Variants in MARK4 observed in about 807,000 individuals in gnomAD.
MARK4 encodes the protein MAP/microtubule affinity-regulating kinase 4.
In MARK4, 19 loss-of-function variants were observed where a neutral mutation model predicts 81.5. The observed-to-expected ratio is 0.23, with a 90% CI of 0.16 to 0.34. MARK4 has a LOEUF of 0.34. Ranked by LOEUF, MARK4 falls within the 10% of genes least tolerant of loss-of-function variation. MARK4 has a pLI of 1.00. For missense variants in MARK4, 772 were observed against 1,058.8 expected (o/e 0.73, Z 3.76); for synonymous variants, 436 against 439.0 (o/e 0.99, Z 0.08).
intron 7 of MARK4, among the ~76,000 whole-genome samples, chr19:45,268,083 A>G (rs995756089): frequency 3.3e-5 from 5 of 152,056 alleles, no homozygotes; most frequent in Admixed American, 1.3e-4. Flanking sequence ...GGTGTGAGCC[A>G]CTGTGCCCAG....
chr19:45,287,339 C>T (rs1970756241), intron 12 of MARK4, 108 bp from the exon 13 acceptor site: 1 of 705,086 alleles, frequency 1.4e-6, no homozygotes, highest in African/African-American at 1.8e-5. Flanking sequence ...GAATGGCCCA[C>T]ACAGAGATTG....
chr19:45,264,963 G>A (rs1970432072), intron 6 of MARK4, 53 bp downstream of exon 6: 5 of 1,578,860 alleles, frequency 3.2e-6, no homozygotes, highest in Admixed American at 3.3e-5. Context: ...CCCTGGGAGG[G>A]CGTCTGAGAG....
chr19:45,294,262 C>T (rs904651193), intron 13 of MARK4, 87 bp from the exon 14 acceptor site: 6 of 1,264,034 alleles, frequency 4.7e-6, no homozygotes, highest in South Asian at 1.2e-5. Context: ...ACTTATTCAT[C>T]GATGGGGAGG....
At chr19:45,301,941 G>C (rs1019757058) in intron 16 of MARK4, among the ~76,000 whole-genome samples, 5 of 152,164 alleles carry the variant, frequency 3.3e-5, no homozygotes, top group African/African-American at 1.2e-4. Context: ...AGCCAGGCTG[G>C]TAAGGCCACT....
intron 8 of MARK4, among the ~76,000 whole-genome samples, chr19:45,275,578 A>G (rs891669502): frequency 6.6e-6 from 1 of 151,528 alleles, no homozygotes; most frequent in Non-Finnish European, 1.5e-5. Context: ...CATGCTTGGG[A>G]GCTGCGCTGG....
intron 1 of MARK4, among the ~76,000 whole-genome samples, chr19:45,252,831 C>T (rs534898463): frequency 1.5e-4 from 23 of 152,224 alleles, no homozygotes; most frequent in African/African-American, 5.5e-4. Context: ...CAAGAAGTTC[C>T]TACCCCATAC....
At position 45,255,559 on chromosome 19, in the gene MARK4, C is replaced by CAA. The variant is rs34066317; in HGVS notation, c.52-3407_52-3406dup. Among the ~76,000 whole-genome samples the CAA allele has an allele frequency of 6.0e-3, 544 of 89,992 alleles. 3 individuals are homozygous for CAA. The highest frequency in any genetic ancestry group is 0.02 in the African/African-American group (375 of 18,924). The allele number at this position is 89,992 out of a possible 152,430, so 59.0% of individuals were successfully genotyped here. On this transcript the variant is annotated intron_variant, in intron 1 of 16. Transcript: ENST00000262891. ...CTGGGCAACAAGAGTGAAACTCTGC[C>CAA]AAAAAAAAAAAAAAAAAAAAAAAAT...
intron 1 of MARK4, among the ~76,000 whole-genome samples, chr19:45,257,759 G>A (rs1371774149): frequency 3.4e-5 from 5 of 145,780 alleles, no homozygotes; most frequent in African/African-American, 5.1e-5. Context: ...GCGCGATCTC[G>A]GCTCACTGCA....
At position 45,280,454 on chromosome 19, in the gene MARK4, A is replaced by G; in HGVS notation, c.1087A>G (p.Thr363Ala). ...TSQKYNEVTA[T>A]YLLLGRKTEE... Reference sequence around the variant, plus strand: ...CCAGAAGTACAACGAAGTGACCGCCACCTACCTCCTGCTGGGCAGGAAGAC... The same window carrying G: ...CCAGAAGTACAACGAAGTGACCGCCGCCTACCTCCTGCTGGGCAGGAAGAC... The change falls in exon 11 of 17, where the codon ACC (threonine) becomes GCC (alanine). Residue 363 changes from threonine (T) to alanine (A), a missense_variant. Coordinates refer to ENST00000262891, the MANE Select transcript of MARK4 (RefSeq NM_001199867.2). 6.2e-7 allele frequency: 1 copy of G among 1,614,180 alleles called. No individual in the cohort carries two copies. The highest frequency in any genetic ancestry group is 1.1e-5 in the South Asian group (1 of 91,076).
chr19:45,286,596 C>T (rs1432484616), intron 12 of MARK4, among the ~76,000 whole-genome samples: 3 of 151,574 alleles, frequency 2.0e-5, no homozygotes, highest in Admixed American at 2.0e-4. Flanking sequence ...GCCTGTAGTC[C>T]CAGCTACTTG....
At chr19:45,269,769 C>A (rs1404908845) in intron 7 of MARK4, among the ~76,000 whole-genome samples, 1 of 152,168 alleles carries the variant, frequency 6.6e-6, no homozygotes, top group East Asian at 1.9e-4. Flanking sequence ...CTTCTGTTTC[C>A]TCCCCTGTGA....
chr19:45,301,239 C>T (rs1419040049), intron 16 of MARK4, among the ~76,000 whole-genome samples: 1 of 151,866 alleles, frequency 6.6e-6, no homozygotes, highest in African/African-American at 2.4e-5. Context: ...GCTGTGATTG[C>T]ACTACTGCAT....
chr19:45,258,989 C>T lies in MARK4; in HGVS notation c.52C>T (p.His18Tyr). The T allele has an allele frequency of 1.9e-6, 3 of 1,612,130 alleles. No homozygotes were observed. The highest frequency in any genetic ancestry group is 2.5e-6 in the Non-Finnish European group (3 of 1,179,716). ...CTCATGCTCCATCTCCCCCGCCCAG[C>T]ATGGCACCTTGGGCAGTGGCCGCTC... is the stretch of plus-strand genomic sequence containing the variant. ...APGNDRNSDT[H>Y]GTLGSGRSSD... is the part of the protein sequence containing the mutation. The change falls in exon 2 of 17, where the codon CAT becomes TAT. Residue 18 changes from histidine to tyrosine, a missense_variant and splice_region_variant. By Grantham distance (83) the His-to-Tyr change is moderately conservative (BLOSUM62 2). Around this residue, in one of 3 missense-constraint regions of MARK4, gnomAD observed 115 missense variants for 139.8 expected, o/e 0.82. Coordinates refer to ENST00000262891, the MANE Select transcript of MARK4 (RefSeq NM_001199867.2).
intron 6 of MARK4, among the ~76,000 whole-genome samples, chr19:45,265,159 G>T (rs1296694765): frequency 6.6e-6 from 1 of 152,204 alleles, no homozygotes; most frequent in African/African-American, 2.4e-5. Flanking sequence ...CCGGTGGGCA[G>T]GTGTTGCATG....
chr19:45,294,216 TCTC>T, intron 13 of MARK4, 130 bp from the exon 14 acceptor site: 1 of 763,578 alleles, frequency 1.3e-6, no homozygotes, highest in Non-Finnish European at 2.2e-6. Flanking sequence ...CCTTTCACCA[TCTC>T]CTACTCACCC....
intron 1 of MARK4, among the ~76,000 whole-genome samples, chr19:45,257,689 AT>A (rs71173133): frequency 0.021 from 1,787 of 86,132 alleles, 29 homozygotes; most frequent in African/African-American, 0.06. Flanking sequence ...GGCCCATAAT[AT>A]TTTTTTTTTT....
intron 12 of MARK4, among the ~76,000 whole-genome samples, chr19:45,282,936 G>A (rs1970695501): frequency 6.6e-6 from 1 of 152,106 alleles, no homozygotes; most frequent in Admixed American, 6.6e-5. Context: ...AGGTCGTGGT[G>A]AGCCGTGATC....
intron 7 of MARK4, among the ~76,000 whole-genome samples, chr19:45,269,530 C>T (rs1970498305): frequency 6.6e-6 from 1 of 152,072 alleles, no homozygotes; most frequent in African/African-American, 2.4e-5. Flanking sequence ...AACCAGGAGA[C>T]ATAGGGAGAC....
chr19:45,278,179 G>C (rs376826420), intron 9 of MARK4, 137 bp downstream of exon 9: 101 of 1,306,148 alleles, frequency 7.7e-5, no homozygotes, highest in Admixed American at 3.6e-4. Flanking sequence ...GCTGGTGAGT[G>C]GGGGTAGACA....
Sources: gnomAD v4.1 joint callset for allele counts (sites outside exome capture counted in the v4.1 genomes callset) on GRCh38, gnomAD v4.1.1 for gene constraint, gnomAD v4.1.1 regional missense constraint, MANE v1.5 for transcripts, NCBI Gene and HGNC (gene_info 2026-07-23, HGNC 2026-07-21) for gene names.